The following NXPE2 variants were observed in gnomAD, a reference collection of about 807,000 sequenced individuals.
The protein encoded by NXPE2 is neurexophilin and PC-esterase domain family member 2.
In NXPE2, 34 loss-of-function variants were observed where a neutral mutation model predicts 34.4. The ratio of observed to expected loss-of-function variants is 0.99; its 90% confidence interval spans 0.75 to 1.31. The LOEUF (loss-of-function observed/expected upper bound fraction) is 1.31, where lower values mean the gene tolerates loss of function less well. NXPE2 is among the 40% of genes most tolerant of loss of function. The pLI, the probability that NXPE2 is intolerant of heterozygous loss-of-function variation, is 0.00. For synonymous variants in NXPE2, 235 were observed against 231.3 expected, an observed-to-expected ratio of 1.02 and a Z score of -0.15; for missense variants, 649 against 672.5, an observed-to-expected ratio of 0.97 and a Z score of 0.39.
the NXPE2 span, among the ~76,000 whole-genome samples, chr11:114,592,757 G>T: frequency 3.5e-3 from 525 of 152,158 alleles, 3 homozygotes; most frequent in African/African-American, 0.012. Flanking sequence ...GCTGAAGGCA[G>T]TATATTACCT....
chr11:114,747,011 A>T, the NXPE2 span, among the ~76,000 whole-genome samples: 1 of 151,962 alleles, frequency 6.6e-6, no homozygotes, highest in Non-Finnish European at 1.5e-5. Flanking sequence ...CATGTCCCCT[A>T]TCTCTTTGGC....
chr11:114,482,146 A>G, the NXPE2 span, among the ~76,000 whole-genome samples: 2 of 152,292 alleles, frequency 1.3e-5, no homozygotes, highest in East Asian at 3.9e-4. Context: ...TAGCTATGCA[A>G]GGTTGAGAGG....
At chr11:114,498,124 A>G in the NXPE2 span, among the ~76,000 whole-genome samples, 2 of 152,022 alleles carry the variant, frequency 1.3e-5, no homozygotes, top group Non-Finnish European at 2.9e-5. Flanking sequence ...GTCAATATCT[A>G]TATCTATATT....
chr11:114,571,360 A>G, the NXPE2 span: 9,451 of 1,613,978 alleles, frequency 5.9e-3, 28 homozygotes, highest in Non-Finnish European at 7.5e-3. Context: ...TAGGTCATTG[A>G]TCCTATCAAG....
At chr11:114,569,495 C>A in the NXPE2 span, among the ~76,000 whole-genome samples, 1 of 152,086 alleles carries the variant, frequency 6.6e-6, no homozygotes, top group Non-Finnish European at 1.5e-5. Context: ...GTAAGAATGA[C>A]TGATATTCTG....
At chr11:114,524,757 G>A in the NXPE2 span, among the ~76,000 whole-genome samples, 1 of 152,068 alleles carries the variant, frequency 6.6e-6, no homozygotes, top group Non-Finnish European at 1.5e-5. Context: ...TATGTGTCAG[G>A]TATTCATTTT....
the NXPE2 span, among the ~76,000 whole-genome samples, chr11:114,808,227 C>T: frequency 6.6e-6 from 1 of 152,072 alleles, no homozygotes; most frequent in East Asian, 1.9e-4. Context: ...ACTAAATGCC[C>T]ACAAGAGGAA....
At chr11:114,787,630 T>C in the NXPE2 span, among the ~76,000 whole-genome samples, 3 of 152,176 alleles carry the variant, frequency 2.0e-5, no homozygotes, top group Admixed American at 2.0e-4. Flanking sequence ...GAGGAGGGAC[T>C]GAAAAGCATT....
the NXPE2 span, among the ~76,000 whole-genome samples, chr11:114,605,485 C>T: frequency 2.6e-5 from 4 of 151,776 alleles, no homozygotes; most frequent in East Asian, 1.9e-4. Flanking sequence ...CACAGTTACC[C>T]GGTGGATAAT....
the NXPE2 span, among the ~76,000 whole-genome samples, chr11:114,610,295 T>C: frequency 2.6e-5 from 4 of 151,400 alleles, no homozygotes; most frequent in Non-Finnish European, 2.9e-5. Flanking sequence ...TAATAAGTGT[T>C]GCCTAGTGTG....
chr11:114,611,323 GATA>G, the NXPE2 span, among the ~76,000 whole-genome samples: 2 of 150,952 alleles, frequency 1.3e-5, no homozygotes, highest in African/African-American at 2.4e-5. Context: ...TTACCCAGTG[GATA>G]ATAAGTATTG....
the NXPE2 span, among the ~76,000 whole-genome samples, chr11:114,550,301 G>T: frequency 6.6e-6 from 1 of 152,068 alleles, no homozygotes; most frequent in Non-Finnish European, 1.5e-5. Context: ...GTGTGGGTGG[G>T]ATTAGCTCTA....
upstream of NXPE2, among the ~76,000 whole-genome samples, chr11:114,677,468 C>A (rs899289322): frequency 7.2e-5 from 11 of 152,146 alleles, no homozygotes; most frequent in East Asian, 2.1e-3. Context: ...ACTGTCATAA[C>A]ACTGCAGCAC....
At chr11:114,606,220 TGGG>T in the NXPE2 span, among the ~76,000 whole-genome samples, 18 of 151,920 alleles carry the variant, frequency 1.2e-4, no homozygotes, top group Non-Finnish European at 2.5e-4. Flanking sequence ...TATTGCCTCA[TGGG>T]TAACCACTGT....
At chr11:114,566,605 G>A in the NXPE2 span, among the ~76,000 whole-genome samples, 10 of 151,952 alleles carry the variant, frequency 6.6e-5, no homozygotes, top group Admixed American at 3.9e-4. Flanking sequence ...GAGGTAGCAA[G>A]GACAAAAAAC....
intron 5 of NXPE2, 29 bp from the exon 6 acceptor site, chr11:114,706,366 A>T: frequency 1.4e-6 from 2 of 1,480,238 alleles, no homozygotes; most frequent in East Asian, 4.9e-5. Flanking sequence ...TCCTTTTGTT[A>T]AAATATTTAT....
chr11:114,774,896 G>C, the NXPE2 span, among the ~76,000 whole-genome samples: 1 of 152,188 alleles, frequency 6.6e-6, no homozygotes, highest in Non-Finnish European at 1.5e-5. Flanking sequence ...CTGTGCGCTG[G>C]TACCTATGGC....
At chr11:114,620,599 C>T in the NXPE2 span, among the ~76,000 whole-genome samples, 1 of 151,992 alleles carries the variant, frequency 6.6e-6, no homozygotes, top group Non-Finnish European at 1.5e-5. Flanking sequence ...TCTAGGGTAA[C>T]CACTGTTACG....
chr11:114,773,268 A>T, the NXPE2 span, among the ~76,000 whole-genome samples: 1 of 76,738 alleles, frequency 1.3e-5, no homozygotes, highest in Non-Finnish European at 2.8e-5. Flanking sequence ...TGCCCTACAC[A>T]ACCCACTCCC....
Sources: allele counts gnomAD v4.1 joint callset (sites outside exome capture counted in the v4.1 genomes callset), GRCh38; gene constraint gnomAD v4.1.1; transcripts MANE v1.5; gene names NCBI Gene and HGNC (gene_info 2026-07-23, HGNC 2026-07-21).